CD101: variants seen among roughly 807,000 people sequenced by gnomAD.
CD101 encodes the protein CD101 molecule.
In CD101, 76 loss-of-function variants were observed where a neutral mutation model predicts 98.2. The observed-to-expected ratio is 0.77, with a 90% confidence interval of 0.64 to 0.94. The LOEUF (loss-of-function observed/expected upper bound fraction) is 0.94, where lower values mean the gene tolerates loss of function less well. Ranked by LOEUF, CD101 falls within the 40% of genes least tolerant of loss-of-function variation. The probability of loss-of-function intolerance (pLI) is 0.00; values close to 1 mark genes in which losing one functional copy is unlikely to be tolerated. For missense variants in CD101, 1,145 were observed against 1,218.8 expected (o/e 0.94, Z 0.90); for synonymous variants, 471 against 472.7 (o/e 1.00, Z 0.05).
In CD101 at chr1:117,004,997, C is replaced by T. The variant is rs1312309675; in HGVS notation, c.43+3137C>T. Among the ~76,000 whole-genome samples, 1 of 152,076 alleles carries T rather than the reference C, an allele frequency of 6.6e-6. No individual in the cohort carries two copies. The highest frequency in any genetic ancestry group is 1.5e-5 in the Non-Finnish European group (1 of 68,012). ...TCATAGCACCTTCTAACTGTGTCCT[C>T]ACGTGGCAGAAGGGGCTAGCGAGCT... On this transcript the variant is annotated intron_variant, in intron 1 of 9. Coordinates refer to ENST00000682167, the MANE Select transcript of CD101 (RefSeq NM_001256106.3). This position sits in a 1 kb window ranked among gnomAD's most constrained non-coding sequence, Gnocchi z 4.1.
Position 117,025,534 on chromosome 1 carries a change from G to T in CD101, c.2454G>T (p.Val818=). 1.9e-6 allele frequency: 3 copies of T among 1,592,962 alleles called. No individual in the cohort carries two copies. The highest frequency in any genetic ancestry group is 2.6e-6 in the Non-Finnish European group (3 of 1,169,618). Residue 818 remains valine, a synonymous_variant, in exon 8 of 10, where the codon GTG becomes GTT. Coordinates refer to ENST00000682167, the MANE Select transcript of CD101 (RefSeq NM_001256106.3). ...PTGSKVRVSK[V]YWTENVTEHR... is the part of the protein sequence containing the mutation. ...GAAGTAAGGTACGTGTCTCCAAAGT[G>T]TACTGGACCGAAAATGTGACTGAGC...
At chr1:117,025,020 A>G (rs1339069365) in intron 7 of CD101, among the ~76,000 whole-genome samples, 1 of 152,216 alleles carries the variant, frequency 6.6e-6, no homozygotes, top group Non-Finnish European at 1.5e-5. Flanking sequence ...TTCCTAGCAG[A>G]GAATGTCCTG....
intron 4 of CD101, 88 bp from the exon 5 acceptor site, chr1:117,017,002 A>G: frequency 7.0e-7 from 1 of 1,431,142 alleles, no homozygotes; most frequent in Non-Finnish European, 9.5e-7. Flanking sequence ...AAACTAGTCA[A>G]GTCCTAATTA....
intron 8 of CD101, among the ~76,000 whole-genome samples, chr1:117,029,828 G>A (rs1469353887): frequency 6.6e-6 from 1 of 152,228 alleles, no homozygotes; most frequent in Non-Finnish European, 1.5e-5. Context: ...TGTGGCTCAA[G>A]TGAAGGCAGG....
At chr1:117,029,213 AAAAG>A (rs61165020) in intron 8 of CD101, among the ~76,000 whole-genome samples, 9,030 of 71,624 alleles carry the variant, frequency 0.13, 902 homozygotes, top group Non-Finnish European at 0.14. Context: ...GAAAAGAAAG[AAAAG>A]AAAGAAAGAA....
intron 8 of CD101, among the ~76,000 whole-genome samples, chr1:117,031,834 T>C (rs933073479): frequency 1.2e-4 from 18 of 152,336 alleles, no homozygotes; most frequent in East Asian, 3.9e-4. Context: ...ACATTGAAGA[T>C]TGAGGATTTG....
At chr1:117,013,947 C>T (rs1041016796) in intron 4 of CD101, among the ~76,000 whole-genome samples, 155 bp downstream of exon 4, 11 of 151,992 alleles carry the variant, frequency 7.2e-5, no homozygotes, top group Non-Finnish European at 1.6e-4. Context: ...AAGGAAGGCA[C>T]CCAAACTAGC....
At position 117,033,819 on chromosome 1, in the gene CD101, G is replaced by A. The variant is rs373660075; in HGVS notation, c.2825-41G>A. On this transcript the variant is annotated intron_variant, in intron 8 of 9. Transcript: ENST00000682167. The surrounding 1 kb of genome is among the most constrained non-coding windows in gnomAD (Gnocchi z 4.8). ...GTTTGTAATTGACTAGTACAAATAA[G>A]TTGGAGATGAATTACTCTCTTGTTT... is the stretch of plus-strand genomic sequence containing the variant. 26 of 1,612,324 alleles carry A rather than the reference G, an allele frequency of 1.6e-5. No individual in the cohort carries two copies. In the African/African-American group the frequency reaches 3.5e-4, roughly 22 times the overall value.
intron 9 of CD101, 57 bp downstream of exon 9, chr1:117,034,191 A>G: frequency 6.6e-7 from 1 of 1,511,104 alleles, no homozygotes; most frequent in Non-Finnish European, 8.9e-7. Flanking sequence ...TTCTGTCCTC[A>G]ACTATGTCTG....
chr1:117,034,136 TG>T lies in CD101; in HGVS notation c.*33+7del, dbSNP rs748980231. 6.2e-7 allele frequency: 1 copy of T among 1,609,336 alleles called. No individual in the cohort carries two copies. Among genetic ancestry groups the T allele is most frequent in the South Asian group, 1.1e-5 (1 of 90,726 alleles). ...GGCACCTGCAGCCAGGAAGGAAAGG[TG>T]GGGGCTTTTTAATTGGGCTAACCAG... On this transcript the variant is annotated splice_donor_region_variant and intron_variant, in intron 9 of 9. Transcript: ENST00000682167.
At chr1:117,029,985 C>G (rs975918464) in intron 8 of CD101, among the ~76,000 whole-genome samples, 3 of 152,158 alleles carry the variant, frequency 2.0e-5, no homozygotes, top group Non-Finnish European at 2.9e-5. Context: ...ATGTCTTATT[C>G]TAGAGAATTG....
chr1:117,001,773 A>C lies in CD101; in HGVS notation c.-45A>C, dbSNP rs1445785235. On this transcript the variant is annotated 5_prime_UTR_variant, in exon 1 of 10. It removes an upstream start codon present in the reference 5' UTR. Coordinates refer to ENST00000682167, the MANE Select transcript of CD101 (RefSeq NM_001256106.3). ...ACAGCATTTGTCACTCAACCTCTGAATGTTAGTGACACTATTGGGACGAAA... is the reference window on the plus strand; with the variant it reads ...ACAGCATTTGTCACTCAACCTCTGACTGTTAGTGACACTATTGGGACGAAA... 4 of 1,581,284 alleles carry C rather than the reference A, an allele frequency of 2.5e-6. No individual in the cohort carries two copies. The African/African-American group carries it at 5.4e-5, about 21-fold the overall frequency.
chr1:117,031,629 G>A (rs1654474690), intron 8 of CD101, among the ~76,000 whole-genome samples: 1 of 152,188 alleles, frequency 6.6e-6, no homozygotes, highest in Non-Finnish European at 1.5e-5. Context: ...GGTTTCCTGT[G>A]ATTTTCTTAG....
In CD101 at chr1:117,013,541, T is replaced by C. The variant is rs1653011200; in HGVS notation, c.977T>C (p.Ile326Thr). The C allele has an allele frequency of 6.2e-7, 1 of 1,614,014 alleles. No individual in the cohort carries two copies. The highest frequency in any genetic ancestry group is 1.3e-5 in the African/African-American group (1 of 74,908). ...ATTTGGTTCTTCAATGGGACTGAAA[T>C]TGCTCACATTGATGCTGGTGGAGTC... is the stretch of plus-strand genomic sequence containing the variant. ...QGIWFFNGTE[I>T]AHIDAGGVLG... is the part of the protein sequence containing the mutation. The change falls in exon 4 of 10, where the codon ATT becomes ACT. Residue 326 changes from isoleucine to threonine, a missense_variant. Coordinates refer to ENST00000682167, the MANE Select transcript of CD101 (RefSeq NM_001256106.3).
At position 117,021,503 on chromosome 1, in the gene CD101, C is replaced by T. The variant is rs1417755569; in HGVS notation, c.2018-70C>T. 7.5e-7 allele frequency: 1 copy of T among 1,329,306 alleles called. No homozygotes were observed. The highest frequency in any genetic ancestry group is 1.5e-5 in the South Asian group (1 of 66,368). 82.3% of individuals were successfully genotyped at this position (1,329,306 alleles called of 1,614,324 possible). ...CGGGAGGATGCAGTGTCATACTTGACCTCTAATGTCTCTACTACCTTAACT... is the reference window on the plus strand; with the variant it reads ...CGGGAGGATGCAGTGTCATACTTGATCTCTAATGTCTCTACTACCTTAACT... On this transcript the variant is annotated intron_variant, in intron 6 of 9. Coordinates refer to ENST00000682167, the MANE Select transcript of CD101 (RefSeq NM_001256106.3). The surrounding 1 kb of genome is among the most constrained non-coding windows in gnomAD (Gnocchi z 4.7).
chr1:117,031,811 T>C (rs1355120214), intron 8 of CD101, among the ~76,000 whole-genome samples: 1 of 152,246 alleles, frequency 6.6e-6, no homozygotes, highest in Non-Finnish European at 1.5e-5. Context: ...ACTTATCCAA[T>C]GTCAATAACA....
In CD101 at chr1:117,036,465, C is replaced by CAGAG. The variant is rs1184291637; in HGVS notation, c.*333_*336dup. 6.6e-6 allele frequency: 1 copy of CAGAG among 151,844 alleles called. No homozygotes were observed. The highest frequency in any genetic ancestry group is 2.4e-5 in the African/African-American group (1 of 41,236). 9.4% of individuals were successfully genotyped at this position (151,844 alleles called of 1,614,324 possible). On this transcript the variant is annotated 3_prime_UTR_variant, in exon 10 of 10. Transcript: ENST00000682167. This position sits in a 1 kb window ranked among gnomAD's most constrained non-coding sequence, Gnocchi z 5.0. Reference sequence around the variant, plus strand: ...ATAAAACCCTCCTGTCACTTTCCTTCAGAGACACCGCTTTGGAGAGTATTC... The same window carrying CAGAG: ...ATAAAACCCTCCTGTCACTTTCCTTCAGAGAGAGACACCGCTTTGGAGAGTATTC...
Position 117,004,959 on chromosome 1 carries a change from G to T in CD101, c.43+3099G>T, listed in dbSNP as rs551638839. On this transcript the variant is annotated intron_variant, in intron 1 of 9. Transcript: ENST00000682167. This position sits in a 1 kb window ranked among gnomAD's most constrained non-coding sequence, Gnocchi z 4.1. ...AAGGCACTGGCAGTTTGGTGTCAGT[G>T]AGGGCCTGTTCCTCATAGCACCTTC... Among the ~76,000 whole-genome samples, 91 of 152,070 alleles carry T rather than the reference G, an allele frequency of 6.0e-4. No homozygotes were observed. Among genetic ancestry groups the T allele is most frequent in the Non-Finnish European group, 1.0e-3 (69 of 68,008 alleles).
chr1:117,029,245 GA>G (rs1389497267), intron 8 of CD101, among the ~76,000 whole-genome samples: 7 of 143,196 alleles, frequency 4.9e-5, no homozygotes, highest in African/African-American at 2.0e-4. Flanking sequence ...AAGAAAGAAA[GA>G]AAGAAAGAAA....
Sources: allele counts gnomAD v4.1 joint callset (sites outside exome capture counted in the v4.1 genomes callset), GRCh38; gene constraint gnomAD v4.1.1; non-coding constraint Gnocchi (gnomAD v3.1); transcripts MANE v1.5; gene names NCBI Gene and HGNC (gene_info 2026-07-23, HGNC 2026-07-21).